SH2B3: variants seen among roughly 807,000 people sequenced by gnomAD.
The protein encoded by SH2B3 is SH2B adaptor protein 3.
A neutral mutation model predicts 51.9 loss-of-function variants in SH2B3; 43 were observed. That is an observed-to-expected ratio of 0.83 (90% CI 0.65 to 1.07). SH2B3 has a LOEUF of 1.07. SH2B3 is among the 50% of genes least tolerant of loss of function. SH2B3 has a pLI of 0.00. For synonymous variants in SH2B3, 396 were observed against 376.0 expected (o/e 1.05, Z -0.62); for missense variants, 952 against 834.3 (o/e 1.14, Z -1.74).
chr12:111,423,840 G>A (rs1016406384), intron 2 of SH2B3, among the ~76,000 whole-genome samples: 1 of 152,176 alleles, frequency 6.6e-6, no homozygotes, highest in Non-Finnish European at 1.5e-5. Context: ...GTGGCCAAGC[G>A]TGTGGCTCAT....
At chr12:111,446,027 A>T (rs1437708641) in intron 2 of SH2B3, among the ~76,000 whole-genome samples, 1 of 152,166 alleles carries the variant, frequency 6.6e-6, no homozygotes, top group Non-Finnish European at 1.5e-5. Flanking sequence ...ACCTGAATGG[A>T]GGGGGCCCAG....
chr12:111,409,677 T>C lies in SH2B3; in HGVS notation c.-28+3400T>C, dbSNP rs1870532132. ...GAGTCCTGCACCCCACCTCCCCAGC[T>C]TCCCGGGGCTTGAGATCCCTTGGAG... On this transcript the variant is annotated intron_variant, in intron 1 of 7. Coordinates refer to ENST00000341259, the MANE Select transcript of SH2B3 (RefSeq NM_005475.3). This position sits in a 1 kb window ranked among gnomAD's most constrained non-coding sequence, Gnocchi z 4.0. Among the ~76,000 whole-genome samples the C allele has an allele frequency of 6.6e-6, 1 of 152,174 alleles. No individual in the cohort carries two copies. Among genetic ancestry groups the C allele is most frequent in the Non-Finnish European group, 1.5e-5 (1 of 68,010 alleles).
rs779459583 is a variant in SH2B3 at position 111,424,763 on chromosome 12, G to C, written c.732+5886G>C. Among the ~76,000 whole-genome samples the C allele has an allele frequency of 1.1e-3, 160 of 152,186 alleles. 3 individuals are homozygous for C. The highest frequency in any genetic ancestry group is 9.2e-4 in the Admixed American group (14 of 15,284). On this transcript the variant is annotated intron_variant, in intron 2 of 7. Coordinates refer to ENST00000341259, the MANE Select transcript of SH2B3 (RefSeq NM_005475.3). ...CCAGGTGATGGGCCAAGGGTGCTCAGACCACAACTCTTGCATGTGCTTGCC... is the reference window on the plus strand; with the variant it reads ...CCAGGTGATGGGCCAAGGGTGCTCACACCACAACTCTTGCATGTGCTTGCC...
At chr12:111,440,327 T>C (rs1873289950) in intron 2 of SH2B3, among the ~76,000 whole-genome samples, 1 of 152,254 alleles carries the variant, frequency 6.6e-6, no homozygotes. Flanking sequence ...GGCTTCTCCT[T>C]CATAAATCTC....
chr12:111,422,954 C>T (rs1206887193), intron 2 of SH2B3, among the ~76,000 whole-genome samples: 1 of 152,208 alleles, frequency 6.6e-6, no homozygotes, highest in Non-Finnish European at 1.5e-5. Flanking sequence ...GCCTCGGCCT[C>T]CCAAAGTGCT....
Position 111,438,551 on chromosome 12 carries a change from G to A in SH2B3, c.733-8202G>A, listed in dbSNP as rs990067636. On this transcript the variant is annotated intron_variant, in intron 2 of 7. Transcript: ENST00000341259. This position sits in a 1 kb window ranked among gnomAD's most constrained non-coding sequence, Gnocchi z 4.2. ...CCCCCCGTTACCCAGCACAAAGGAT[G>A]CTTAGCCAGCAAAAGGCTTATGATG... Among the ~76,000 whole-genome samples the A allele has an allele frequency of 6.6e-6, 1 of 152,220 alleles. No individual in the cohort carries two copies. Among genetic ancestry groups the A allele is most frequent in the Non-Finnish European group, 1.5e-5 (1 of 68,034 alleles).
At position 111,429,119 on chromosome 12, in the gene SH2B3, C is replaced by T. The variant is rs1379400742; in HGVS notation, c.732+10242C>T. ...TCTGACAGGCGCGGCCCTGGCCTGC[C>T]CCTGCCCTTCTGAGCCTGTGACCCG... On this transcript the variant is annotated intron_variant, in intron 2 of 7. Coordinates refer to ENST00000341259, the MANE Select transcript of SH2B3 (RefSeq NM_005475.3). The surrounding 1 kb of genome is among the most constrained non-coding windows in gnomAD (Gnocchi z 4.4). Among the ~76,000 whole-genome samples the T allele has an allele frequency of 1.3e-5, 2 of 151,938 alleles. No individual in the cohort carries two copies. Among genetic ancestry groups the T allele is most frequent in the Non-Finnish European group, 2.9e-5 (2 of 67,946 alleles).
At position 111,448,418 on chromosome 12, in the gene SH2B3, T is replaced by A; in HGVS notation, c.*116T>A. 1.2e-6 allele frequency: 1 copy of A among 824,488 alleles called. No homozygotes were observed. Among genetic ancestry groups the A allele is most frequent in the Non-Finnish European group, 1.9e-6 (1 of 530,104 alleles). 51.1% of individuals were successfully genotyped at this position (824,488 alleles called of 1,614,324 possible). ...CAGAGAAAGATTTAAGGGACACTGT[T>A]AACTGCTCGTGCCAGTTTGGAAGTG... is the stretch of plus-strand genomic sequence containing the variant. On this transcript the variant is annotated 3_prime_UTR_variant, in exon 8 of 8. Transcript: ENST00000341259.
At chr12:111,411,507 C>G (rs11065894) in intron 1 of SH2B3, among the ~76,000 whole-genome samples, 2 of 152,162 alleles carry the variant, frequency 1.3e-5, no homozygotes, top group East Asian at 3.8e-4. Flanking sequence ...AGAGGAGAGG[C>G]TGAGAAGCCC....
chr12:111,447,586 G>A, intron 6 of SH2B3, 42 bp downstream of exon 6: 1 of 1,606,710 alleles, frequency 6.2e-7, no homozygotes, highest in Non-Finnish European at 8.5e-7. Flanking sequence ...GCAGGACCGT[G>A]CCACCCCTCT....
chr12:111,448,276 A>G lies in SH2B3; in HGVS notation c.1702A>G (p.Ile568Val), dbSNP rs371502991. 1.2e-6 allele frequency: 2 copies of G among 1,613,478 alleles called. No individual in the cohort carries two copies. Among genetic ancestry groups the G allele is most frequent in the East Asian group, 4.5e-5 (2 of 44,864 alleles). The change falls in exon 8 of 8, where the codon ATA (isoleucine) becomes GTA (valine). Residue 568 changes from isoleucine (I) to valine (V), a missense_variant. By Grantham distance (29) the Ile-to-Val change is conservative. Coordinates refer to ENST00000341259, the MANE Select transcript of SH2B3 (RefSeq NM_005475.3). ...ATCCTCCCGGAGCCACCTGCGGGCCATAGACAATCAGTACACACCTCTCTG... is the reference window on the plus strand; with the variant it reads ...ATCCTCCCGGAGCCACCTGCGGGCCGTAGACAATCAGTACACACCTCTCTG... ...DSSSRSHLRA[I>V]DNQYTPL
rs1435812094 is a variant in SH2B3, at chr12:111,438,072, G to C, written c.733-8681G>C. ...CAGGAATTGCACTAATCATGACTCA[G>C]TGGTCAGAGAAGGCTCCCTGGAGGA... On this transcript the variant is annotated intron_variant, in intron 2 of 7. Coordinates refer to ENST00000341259, the MANE Select transcript of SH2B3 (RefSeq NM_005475.3). This position sits in a 1 kb window ranked among gnomAD's most constrained non-coding sequence, Gnocchi z 4.2. Among the ~76,000 whole-genome samples, 2 of 152,242 alleles carry C rather than the reference G, an allele frequency of 1.3e-5. No homozygotes were observed. The highest frequency in any genetic ancestry group is 6.5e-5 in the Admixed American group (1 of 15,284).
At chr12:111,447,074 C>A (rs1261258063) in intron 4 of SH2B3, 41 bp downstream of exon 4, 1 of 1,606,706 alleles carries the variant, frequency 6.2e-7, no homozygotes, top group Non-Finnish European at 8.5e-7. Context: ...ACCTTTGCTG[C>A]TACCACCCCT....
intron 2 of SH2B3, among the ~76,000 whole-genome samples, chr12:111,420,213 C>A (rs1350537780): frequency 6.6e-6 from 1 of 151,788 alleles, no homozygotes; most frequent in African/African-American, 2.4e-5. Context: ...ACAAAAAATA[C>A]CAAAATTAGC....
At chr12:111,416,774 A>G (rs1871119269) in intron 1 of SH2B3, among the ~76,000 whole-genome samples, 1 of 152,124 alleles carries the variant, frequency 6.6e-6, no homozygotes, top group South Asian at 2.1e-4. Flanking sequence ...GATTACAGGC[A>G]TGAGCCACCG....
intron 2 of SH2B3, chr12:111,444,850 T>TA: frequency 1.0e-6 from 1 of 985,670 alleles, no homozygotes; most frequent in Non-Finnish European, 1.2e-6. Context: ...AGGACACCCA[T>TA]ACCACCAGGT....
At chr12:111,412,550 C>A (rs777410987) in intron 1 of SH2B3, among the ~76,000 whole-genome samples, 8 of 152,140 alleles carry the variant, frequency 5.3e-5, no homozygotes, top group Non-Finnish European at 7.3e-5. Context: ...GAGCCCCATG[C>A]CAAGCACACT....
In SH2B3 at chr12:111,418,809, C is replaced by G; in HGVS notation, c.664C>G (p.Leu222Val). ...DSGARWQRGR[L>V]ALRRAPGPDG... ...CGGGGCACGCTGGCAGCGCGGGAGG[C>G]TGGCGCTGCGCCGGGCCCCGGGCCC... Residue 222 changes from leucine (L) to valine (V), a missense_variant, in exon 2 of 8, where the codon CTG becomes GTG. Physicochemically the swap from Leu to Val is conservative, Grantham distance 32. Transcript: ENST00000341259. The surrounding 1 kb of genome is among the most constrained non-coding windows in gnomAD (Gnocchi z 6.7). The G allele has an allele frequency of 5.6e-6, 8 of 1,439,356 alleles. No homozygotes were observed. The highest frequency in any genetic ancestry group is 5.4e-6 in the Non-Finnish European group (6 of 1,108,546). The allele number at this position is 1,439,356 out of a possible 1,614,324, so 89.2% of individuals were successfully genotyped here. A position where few individuals can be genotyped will look rare whatever the true frequency, so the allele number is the denominator to read the frequency against.
chr12:111,434,224 ATATT>A (rs775202745), intron 2 of SH2B3, among the ~76,000 whole-genome samples: 1 of 152,200 alleles, frequency 6.6e-6, no homozygotes, highest in Non-Finnish European at 1.5e-5. Flanking sequence ...GGCTTTTAGT[ATATT>A]TAAACAATTG....
Sources: allele counts gnomAD v4.1 joint callset (sites outside exome capture counted in the v4.1 genomes callset), GRCh38; gene constraint gnomAD v4.1.1; non-coding constraint Gnocchi (gnomAD v3.1); transcripts MANE v1.5; gene names NCBI Gene and HGNC (gene_info 2026-07-23, HGNC 2026-07-21).